DNAH11: variants seen among roughly 807,000 people sequenced by gnomAD.
The protein encoded by DNAH11 is axonemal beta dynein heavy chain 11.
A neutral mutation model predicts 526.0 loss-of-function variants in DNAH11; 442 were observed. That is an observed-to-expected ratio of 0.84 (90% CI 0.78 to 0.91). The LOEUF (loss-of-function observed/expected upper bound fraction) is 0.91, where lower values mean the gene tolerates loss of function less well. Ranked by LOEUF, DNAH11 falls within the 40% of genes least tolerant of loss-of-function variation. The probability of loss-of-function intolerance (pLI) is 0.00; values close to 1 mark genes in which losing one functional copy is unlikely to be tolerated. For missense variants in DNAH11, 6,989 were observed against 5,448.7 expected, an observed-to-expected ratio of 1.28 and a Z score of -8.90; for synonymous variants, 2,461 against 1,935.9, an observed-to-expected ratio of 1.27 and a Z score of -7.12.
intron 25 of DNAH11, among the ~76,000 whole-genome samples, chr7:21,630,651 A>G (rs1786560848): frequency 6.6e-6 from 1 of 152,024 alleles, no homozygotes; most frequent in Non-Finnish European, 1.5e-5. Context: ...ATGTCATTCC[A>G]CTTTCTACTG....
At chr7:21,576,098 T>C (rs1772867872) in intron 8 of DNAH11, among the ~76,000 whole-genome samples, 1 of 152,176 alleles carries the variant, frequency 6.6e-6, no homozygotes, top group Non-Finnish European at 1.5e-5. Flanking sequence ...CCGAGACTCC[T>C]CTAGATCTTG....
intron 19 of DNAH11, 32 bp from the exon 20 acceptor site, chr7:21,606,615 C>A (rs1180189023): frequency 1.8e-5 from 22 of 1,195,546 alleles, no homozygotes; most frequent in Non-Finnish European, 2.2e-5. Context: ...TTGAAATTCA[C>A]TTTTTTTTTT....
At chr7:21,559,844 C>A in intron 4 of DNAH11, 52 bp downstream of exon 4, 1 of 1,398,384 alleles carries the variant, frequency 7.2e-7, no homozygotes, top group South Asian at 1.3e-5. Flanking sequence ...GTGTCCTGAG[C>A]TGCAATGACC....
intron 14 of DNAH11, among the ~76,000 whole-genome samples, chr7:21,595,393 G>A (rs751159996): frequency 6.6e-6 from 1 of 152,256 alleles, no homozygotes; most frequent in Non-Finnish European, 1.5e-5. Flanking sequence ...GCACGTAACA[G>A]ATGATGGTGC....
intron 25 of DNAH11, among the ~76,000 whole-genome samples, chr7:21,635,215 G>A (rs1786802669): frequency 6.6e-6 from 1 of 152,094 alleles, no homozygotes; most frequent in Non-Finnish European, 1.5e-5. Context: ...GGAGTGCAGT[G>A]GCGTGATCTC....
rs1295729015 is a variant in DNAH11 at position 21,599,853 on chromosome 7, G to C, written c.2734G>C (p.Asp912His). ...DTWKIYVEFI[D>H]DIVVEGFFQA... ...CTGGAAAATTTATGTAGAATTCATTGACGACATTGTGGTGGAAGGCTTTTT... is the reference window on the plus strand; with the variant it reads ...CTGGAAAATTTATGTAGAATTCATTCACGACATTGTGGTGGAAGGCTTTTT... The change falls in exon 15 of 82, where the codon GAC (aspartate) becomes CAC (histidine). Residue 912 changes from aspartate to histidine, a missense_variant. By Grantham distance (81) the Asp-to-His change is moderately conservative. Coordinates refer to ENST00000409508, the MANE Select transcript of DNAH11 (RefSeq NM_001277115.2). 6.2e-7 allele frequency: 1 copy of C among 1,603,566 alleles called. No homozygotes were observed. The highest frequency in any genetic ancestry group is 8.5e-7 in the Non-Finnish European group (1 of 1,173,106).
chr7:21,609,580 A>T (rs55844287), intron 20 of DNAH11, among the ~76,000 whole-genome samples: 2 of 152,172 alleles, frequency 1.3e-5, no homozygotes, highest in East Asian at 1.9e-4. Flanking sequence ...AAAAAAAACG[A>T]TTAAAAATAA....
In DNAH11 at chr7:21,558,918, C is replaced by T; in HGVS notation, c.612C>T (p.Gly204=). 6.2e-7 allele frequency: 1 copy of T among 1,600,008 alleles called. No individual in the cohort carries two copies. The highest frequency in any genetic ancestry group is 8.5e-7 in the Non-Finnish European group (1 of 1,172,666). Residue 204 remains glycine, a synonymous_variant, in exon 3 of 82, where the codon GGC becomes GGT. Coordinates refer to ENST00000409508, the MANE Select transcript of DNAH11 (RefSeq NM_001277115.2). ...VMKKKMYIFR[G]KMSRRTLLPI... is the part of the protein sequence containing the mutation. The stretch of plus-strand genomic sequence containing the variant: ...AAAAGAAGATGTATATTTTTAGGGG[C>T]AAAATGTCTAGAAGAACTCTTCTAC...
intron 14 of DNAH11, among the ~76,000 whole-genome samples, chr7:21,595,398 T>C (rs1784826292): frequency 6.6e-6 from 1 of 152,204 alleles, no homozygotes; most frequent in Non-Finnish European, 1.5e-5. Flanking sequence ...TAACAGATGA[T>C]GGTGCTGGAC....
At chr7:21,546,759 A>G (rs192585033) in intron 2 of DNAH11, among the ~76,000 whole-genome samples, 4 of 152,348 alleles carry the variant, frequency 2.6e-5, no homozygotes. Context: ...TTACCAAGAC[A>G]TAAAGAAAAT....
intron 51 of DNAH11, among the ~76,000 whole-genome samples, 199 bp downstream of exon 51, chr7:21,745,262 C>T (rs970246942): frequency 2.6e-5 from 4 of 152,078 alleles, no homozygotes; most frequent in African/African-American, 7.2e-5. Flanking sequence ...CACTGTTTTC[C>T]GAGATGCCAT....
Position 21,752,484 on chromosome 7 carries a change from G to A in DNAH11, c.8940+2120G>A, listed in dbSNP as rs181934954. On this transcript the variant is annotated intron_variant, in intron 54 of 81. Coordinates refer to ENST00000409508, the MANE Select transcript of DNAH11 (RefSeq NM_001277115.2). ...TTTTGTAAGAGTTCTATGTATTTAGGCAATTATTCTTATATATGTGTCTCA... is the reference window on the plus strand; with the variant it reads ...TTTTGTAAGAGTTCTATGTATTTAGACAATTATTCTTATATATGTGTCTCA... Among the ~76,000 whole-genome samples the A allele has an allele frequency of 8.9e-4, 136 of 152,038 alleles. 1 individual carries two copies. The highest frequency in any genetic ancestry group is 3.1e-3 in the African/African-American group (128 of 41,460).
chr7:21,809,757 G>T (rs1006795421), intron 63 of DNAH11, among the ~76,000 whole-genome samples: 1 of 151,700 alleles, frequency 6.6e-6, no homozygotes, highest in East Asian at 1.9e-4. Flanking sequence ...GTAGAGATAG[G>T]GTTTTACCAT....
chr7:21,638,133 G>A (rs1168646971), intron 27 of DNAH11, among the ~76,000 whole-genome samples: 1 of 152,104 alleles, frequency 6.6e-6, no homozygotes, highest in Non-Finnish European at 1.5e-5. Context: ...TGTCCCAAGG[G>A]CCATTTGTAA....
intron 28 of DNAH11, among the ~76,000 whole-genome samples, chr7:21,652,156 T>C (rs1005353463): frequency 7.2e-5 from 11 of 152,108 alleles, no homozygotes; most frequent in Non-Finnish European, 1.3e-4. Flanking sequence ...GAGAGTGATA[T>C]GCAGCCAGGG....
In DNAH11 at chr7:21,559,726, G is replaced by A. The variant is rs1190465439; in HGVS notation, c.816G>A (p.Leu272=). The stretch of plus-strand genomic sequence containing the variant: ...AGCGTTTGTTGAATGGTCTTCACTT[G>A]TCTCCTCAAGCAGAACTAGATTTCT... ...SVQRLLNGLH[L]SPQAELDFWM... is the part of the protein sequence containing the mutation. The change falls in exon 4 of 82, where the codon TTG becomes TTA. Residue 272 remains leucine, a synonymous_variant. Coordinates refer to ENST00000409508, the MANE Select transcript of DNAH11 (RefSeq NM_001277115.2). The A allele has an allele frequency of 6.2e-7, 1 of 1,609,292 alleles. No individual in the cohort carries two copies. Among genetic ancestry groups the A allele is most frequent in the South Asian group, 1.1e-5 (1 of 90,060 alleles).
intron 62 of DNAH11, among the ~76,000 whole-genome samples, chr7:21,807,359 C>T (rs141214738): frequency 1.2e-3 from 186 of 152,200 alleles, no homozygotes; most frequent in Non-Finnish European, 1.7e-3. Context: ...ATTTGCCAGG[C>T]GTGGTGGTGC....
intron 28 of DNAH11, among the ~76,000 whole-genome samples, chr7:21,650,186 C>T (rs1367426573): frequency 6.6e-6 from 1 of 152,124 alleles, no homozygotes; most frequent in Non-Finnish European, 1.5e-5. Context: ...AACACCAAAT[C>T]AACCTTATAT....
At chr7:21,621,769 A>G (rs1786070181) in intron 25 of DNAH11, among the ~76,000 whole-genome samples, 2 of 152,198 alleles carry the variant, frequency 1.3e-5, no homozygotes, top group Admixed American at 1.3e-4. Context: ...ACAAAATTCA[A>G]CAACCTTCAT....
Sources: allele counts gnomAD v4.1 joint callset (sites outside exome capture counted in the v4.1 genomes callset), GRCh38; gene constraint gnomAD v4.1.1; transcripts MANE v1.5; gene names NCBI Gene and HGNC (gene_info 2026-07-23, HGNC 2026-07-21).